Variants in GFOD1 observed in about 807,000 individuals in gnomAD.
GFOD1 encodes Gfo/Idh/MocA-like oxidoreductase domain containing 1, also known as glucose-fructose oxidoreductase domain-containing protein 1.
GFOD1 carries 9 observed loss-of-function variants against 25.4 expected under a neutral mutation model. The ratio of observed to expected loss-of-function variants is 0.35; its 90% confidence interval spans 0.21 to 0.62. The LOEUF is 0.62. Ranked by LOEUF, GFOD1 falls within the 20% of genes least tolerant of loss-of-function variation. GFOD1 has a pLI of 0.72. For synonymous variants in GFOD1, 253 were observed against 245.6 expected (o/e 1.03, Z -0.28); for missense variants, 403 against 556.9 (o/e 0.72, Z 2.78).
chr6:13,486,447 C>T (rs1584680994), intron 1 of GFOD1, 191 bp downstream of exon 1: 2 of 625,656 alleles, frequency 3.2e-6, no homozygotes, highest in African/African-American at 1.8e-5. Flanking sequence ...AGGAGGGAAG[C>T]GCAAAGGTGG....
Position 13,391,511 on chromosome 6 carries a change from CAA to C in GFOD1, c.254-25851_254-25850del, listed in dbSNP as rs57340590. ...AGACTCCATCTCAAAAACAAACAAA[CAA>C]AAAAAAAAAAAAAAAAAGAAAGAGA... On this transcript the variant is annotated intron_variant, in intron 1 of 1. Transcript: ENST00000379287. 7.2e-3 allele frequency among the ~76,000 whole-genome samples: 777 copies of C among 108,662 alleles called. 4 individuals are homozygous for C. Among genetic ancestry groups the C allele is most frequent in the African/African-American group, 0.022 (634 of 28,786 alleles). 71.3% of individuals were successfully genotyped at this position (108,662 alleles called of 152,430 possible).
At chr6:13,427,830 C>G (rs1757670546) in intron 1 of GFOD1, among the ~76,000 whole-genome samples, 1 of 152,206 alleles carries the variant, frequency 6.6e-6, no homozygotes, top group Admixed American at 6.5e-5. Context: ...GTGCCCCTGA[C>G]AGGCACCTTT....
At chr6:13,388,637 T>A (rs1366083046) in intron 1 of GFOD1, among the ~76,000 whole-genome samples, 2 of 152,196 alleles carry the variant, frequency 1.3e-5, no homozygotes, top group Non-Finnish European at 2.9e-5. Flanking sequence ...GACTTAAATG[T>A]AAGACCTAAA....
intron 1 of GFOD1, among the ~76,000 whole-genome samples, chr6:13,390,271 C>T (rs569775521): frequency 1.3e-5 from 2 of 152,314 alleles, no homozygotes; most frequent in South Asian, 2.1e-4. Flanking sequence ...TTCTGGGCTT[C>T]CATTTTGTTG....
chr6:13,451,704 G>A (rs1357001296), intron 1 of GFOD1, among the ~76,000 whole-genome samples: 1 of 152,220 alleles, frequency 6.6e-6, no homozygotes, highest in East Asian at 1.9e-4. Flanking sequence ...GTCAGCAATT[G>A]CAGAAGGTGG....
At chr6:13,400,881 G>A (rs143722901) in intron 1 of GFOD1, among the ~76,000 whole-genome samples, 1 of 152,164 alleles carries the variant, frequency 6.6e-6, no homozygotes, top group African/African-American at 2.4e-5. Flanking sequence ...AAAGAGGCAC[G>A]AGAGTCCTCT....
chr6:13,385,285 C>T (rs1785445996), intron 1 of GFOD1, among the ~76,000 whole-genome samples: 2 of 152,320 alleles, frequency 1.3e-5, no homozygotes, highest in Middle Eastern at 3.4e-3. Context: ...AGAGATTCCA[C>T]CCAGGTACCT....
At chr6:13,419,747 C>T (rs1404858230) in intron 1 of GFOD1, among the ~76,000 whole-genome samples, 2 of 152,142 alleles carry the variant, frequency 1.3e-5, no homozygotes, top group East Asian at 3.8e-4. Flanking sequence ...ACACGGAAAC[C>T]CACTCCCACC....
At chr6:13,473,881 G>C (rs1758560043) in intron 1 of GFOD1, among the ~76,000 whole-genome samples, 1 of 152,118 alleles carries the variant, frequency 6.6e-6, no homozygotes, top group African/African-American at 2.4e-5. Flanking sequence ...ACCCACCAAA[G>C]AGGGGAAGTG....
intron 1 of GFOD1, among the ~76,000 whole-genome samples, chr6:13,417,122 A>C (rs541189796): frequency 2.0e-5 from 3 of 152,252 alleles, no homozygotes; most frequent in African/African-American, 7.2e-5. Flanking sequence ...TGAGAAGCAC[A>C]TGCTAAGTTA....
chr6:13,433,964 G>A (rs1291282206), intron 1 of GFOD1, among the ~76,000 whole-genome samples: 1 of 152,226 alleles, frequency 6.6e-6, no homozygotes, highest in Non-Finnish European at 1.5e-5. Context: ...TGTAAGGCCT[G>A]CACCAGGCCC....
At chr6:13,371,109 G>A (rs905547424) in intron 1 of GFOD1, among the ~76,000 whole-genome samples, 1 of 152,194 alleles carries the variant, frequency 6.6e-6, no homozygotes, top group Admixed American at 6.5e-5. Flanking sequence ...CTCTAAGCAC[G>A]TGGCTATGAC....
At chr6:13,485,374 G>T (rs1023986341) in intron 1 of GFOD1, among the ~76,000 whole-genome samples, 3 of 152,156 alleles carry the variant, frequency 2.0e-5, no homozygotes, top group Non-Finnish European at 4.4e-5. Flanking sequence ...ATAACTTCCG[G>T]CTGGTTTCTG....
At chr6:13,376,502 A>G (rs1436004560) in intron 1 of GFOD1, among the ~76,000 whole-genome samples, 1 of 152,190 alleles carries the variant, frequency 6.6e-6, no homozygotes, top group Non-Finnish European at 1.5e-5. Context: ...CTCATAAGCC[A>G]CACTACCCCC....
chr6:13,466,261 G>A (rs1758377386), intron 1 of GFOD1, among the ~76,000 whole-genome samples: 1 of 152,172 alleles, frequency 6.6e-6, no homozygotes, highest in South Asian at 2.1e-4. Flanking sequence ...TTTGATCTGA[G>A]TTAGAAGATA....
intron 1 of GFOD1, among the ~76,000 whole-genome samples, chr6:13,437,577 G>A (rs1238696619): frequency 6.6e-6 from 1 of 152,180 alleles, no homozygotes; most frequent in Non-Finnish European, 1.5e-5. Flanking sequence ...CGGCTACTAT[G>A]TTGGGCAGAA....
At position 13,362,461 on chromosome 6, in the gene GFOD1, CAAAAAAAAA is replaced by C. The variant is rs770325894; in HGVS notation, c.*2273_*2281del. On this transcript the variant is annotated 3_prime_UTR_variant, in exon 2 of 2. Transcript: ENST00000379287. ...TGGGTGACAGAGCGAGACTCCATTTCAAAAAAAAAAAAAAAAAAAGAAGAAGAATGTGAA... is the reference window on the plus strand; with the variant it reads ...TGGGTGACAGAGCGAGACTCCATTTCAAAAAAAAAAGAAGAAGAATGTGAA... 2 of 80,886 alleles carry C rather than the reference CAAAAAAAAA, an allele frequency of 2.5e-5. No individual in the cohort carries two copies. The highest frequency in any genetic ancestry group is 5.0e-4 in the South Asian group (1 of 1,992). 5.0% of individuals were successfully genotyped at this position (80,886 alleles called of 1,614,324 possible).
chr6:13,466,087 C>T (rs1317920441), intron 1 of GFOD1, among the ~76,000 whole-genome samples: 1 of 152,144 alleles, frequency 6.6e-6, no homozygotes, highest in Admixed American at 6.5e-5. Context: ...ATGGGTGCCA[C>T]CTCTGATCTC....
At chr6:13,388,823 G>C (rs1562201683) in intron 1 of GFOD1, among the ~76,000 whole-genome samples, 1 of 152,280 alleles carries the variant, frequency 6.6e-6, no homozygotes, top group Admixed American at 6.5e-5. Flanking sequence ...AGAATGAACA[G>C]GCAACCTACA....
Sources: allele counts gnomAD v4.1 joint callset (sites outside exome capture counted in the v4.1 genomes callset), GRCh38; gene constraint gnomAD v4.1.1; transcripts MANE v1.5; gene names NCBI Gene and HGNC (gene_info 2026-07-23, HGNC 2026-07-21).